The following NALF1 variants were observed in gnomAD, a reference collection of about 807,000 sequenced individuals.
NALF1 encodes the protein NALCN channel auxiliary factor 1, also known as family with sequence similarity 155 member A.
In NALF1, 3 loss-of-function variants were observed where a neutral mutation model predicts 48.4. That is an observed-to-expected ratio of 0.06 (90% CI 0.03 to 0.16). NALF1 has a LOEUF of 0.16. Among genes scored for constraint, NALF1 ranks in the 10% least tolerant of loss-of-function variants. The pLI is 1.00. For synonymous variants in NALF1, 262 were observed against 245.7 expected (o/e 1.07, Z -0.62); for missense variants, 526 against 571.5 (o/e 0.92, Z 0.81).
At chr13:107,747,682 G>GT (rs1876820972) in intron 1 of NALF1, among the ~76,000 whole-genome samples, 1 of 152,142 alleles carries the variant, frequency 6.6e-6, no homozygotes, top group Non-Finnish European at 1.5e-5. Flanking sequence ...ATTATGTCAT[G>GT]TAATAGTCCT....
At chr13:107,351,117 A>G (rs1178285627) in intron 1 of NALF1, among the ~76,000 whole-genome samples, 1 of 152,246 alleles carries the variant, frequency 6.6e-6, no homozygotes, top group Non-Finnish European at 1.5e-5. Flanking sequence ...TTTGGTTTGC[A>G]TAACAAAGTC....
chr13:107,543,023 A>G (rs1187463587), intron 1 of NALF1, among the ~76,000 whole-genome samples: 2 of 152,076 alleles, frequency 1.3e-5, no homozygotes, highest in Non-Finnish European at 2.9e-5. Flanking sequence ...CATGTTTCTT[A>G]TATCTGTTTA....
intron 1 of NALF1, among the ~76,000 whole-genome samples, chr13:107,763,553 C>A (rs1193142806): frequency 1.3e-5 from 2 of 151,386 alleles, no homozygotes; most frequent in East Asian, 3.9e-4. Context: ...CATTAAATGC[C>A]CTTCAAAAAT....
intron 1 of NALF1, among the ~76,000 whole-genome samples, chr13:107,597,643 G>GA (rs1878793101): frequency 1.3e-5 from 2 of 149,538 alleles, no homozygotes; most frequent in South Asian, 2.3e-4. Flanking sequence ...GCTTACAAAA[G>GA]AAAAAATAGT....
At position 107,867,478 on chromosome 13, in the gene NALF1, C is replaced by T. The variant is rs191896395; in HGVS notation, c.-882G>A. Among the ~76,000 whole-genome samples, 253 of 149,502 alleles carry T rather than the reference C, an allele frequency of 1.7e-3. No homozygotes were observed. Among genetic ancestry groups the T allele is most frequent in the African/African-American group, 5.9e-3 (245 of 41,280 alleles). On this transcript the variant is annotated 5_prime_UTR_variant, in exon 1 of 3. Coordinates refer to ENST00000375915, the MANE Select transcript of NALF1 (RefSeq NM_001080396.3). The surrounding 1 kb of genome is among the most constrained non-coding windows in gnomAD (Gnocchi z 4.4). Reference sequence around the variant, plus strand: ...CGGGCTAAGTTGCCGCCATCTTCGTCCTGGAGAAACACTTTTTTGGGGGGA... The same window carrying T: ...CGGGCTAAGTTGCCGCCATCTTCGTTCTGGAGAAACACTTTTTTGGGGGGA...
intron 1 of NALF1, among the ~76,000 whole-genome samples, chr13:107,365,924 C>T (rs1883144498): frequency 6.6e-6 from 1 of 152,146 alleles, no homozygotes; most frequent in Non-Finnish European, 1.5e-5. Flanking sequence ...GGTTAGAATC[C>T]GATGAAATCG....
chr13:107,272,026 G>A (rs976803031), intron 1 of NALF1, among the ~76,000 whole-genome samples: 1 of 151,368 alleles, frequency 6.6e-6, no homozygotes, highest in Non-Finnish European at 1.5e-5. Context: ...GTTTTAGAGA[G>A]AAAGTGTACT....
At chr13:107,371,312 T>C (rs1323228368) in intron 1 of NALF1, among the ~76,000 whole-genome samples, 1 of 152,032 alleles carries the variant, frequency 6.6e-6, no homozygotes, top group African/African-American at 2.4e-5. Flanking sequence ...CCAGGCATGA[T>C]GGTGCATGCC....
chr13:107,675,413 C>T (rs1423876375), intron 1 of NALF1, among the ~76,000 whole-genome samples: 2 of 152,056 alleles, frequency 1.3e-5, no homozygotes, highest in Non-Finnish European at 2.9e-5. Flanking sequence ...GGCTTTTCTG[C>T]GGATGGGGGG....
intron 1 of NALF1, among the ~76,000 whole-genome samples, chr13:107,339,269 C>CT (rs1466344691): frequency 6.6e-6 from 1 of 151,718 alleles, no homozygotes; most frequent in Non-Finnish European, 1.5e-5. Flanking sequence ...AGCTTTGAGA[C>CT]TTATGTGTTG....
At chr13:107,555,439 ATTT>A (rs34486058) in intron 1 of NALF1, among the ~76,000 whole-genome samples, 81 of 69,958 alleles carry the variant, frequency 1.2e-3, no homozygotes, top group East Asian at 6.7e-3. Flanking sequence ...AGCCTGGCTA[ATTT>A]TTTTTTTTTT....
chr13:107,336,643 A>G (rs1882563066), intron 1 of NALF1, among the ~76,000 whole-genome samples: 1 of 152,164 alleles, frequency 6.6e-6, no homozygotes, highest in African/African-American at 2.4e-5. Flanking sequence ...CCTCCGTGGT[A>G]TTAATGGGAT....
chr13:107,587,122 T>C (rs972748170), intron 1 of NALF1, among the ~76,000 whole-genome samples: 3 of 152,002 alleles, frequency 2.0e-5, no homozygotes, highest in Non-Finnish European at 4.4e-5. Context: ...AGCTCCCAGA[T>C]AAATGAGGGT....
At chr13:107,392,639 G>C (rs1240390010) in intron 1 of NALF1, among the ~76,000 whole-genome samples, 2 of 152,072 alleles carry the variant, frequency 1.3e-5, no homozygotes, top group African/African-American at 4.8e-5. Flanking sequence ...TTAGGGGTGA[G>C]GGTGAGACTT....
At chr13:107,756,456 A>ATATATATATAT (rs1877099055) in intron 1 of NALF1, among the ~76,000 whole-genome samples, 5 of 110,802 alleles carry the variant, frequency 4.5e-5, no homozygotes, top group African/African-American at 2.1e-4. Context: ...TATATATATA[A>ATATATATATAT]AGCATAAATA....
intron 1 of NALF1, among the ~76,000 whole-genome samples, chr13:107,253,688 G>A (rs1880750762): frequency 6.6e-6 from 1 of 152,114 alleles, no homozygotes; most frequent in Non-Finnish European, 1.5e-5. Flanking sequence ...TCTCTACCTT[G>A]TATTTGTTTC....
chr13:107,602,131 CA>C, intron 1 of NALF1, among the ~76,000 whole-genome samples: 1 of 152,266 alleles, frequency 6.6e-6, no homozygotes, highest in East Asian at 1.9e-4. Flanking sequence ...CTATGTTTTT[CA>C]GTGAGTTTTA....
chr13:107,679,362 G>T (rs1221690687), intron 1 of NALF1, among the ~76,000 whole-genome samples: 1 of 152,118 alleles, frequency 6.6e-6, no homozygotes, highest in African/African-American at 2.4e-5. Context: ...AGCCCTGCTA[G>T]GTACATCTAG....
chr13:107,366,585 A>G (rs11617804), intron 1 of NALF1, among the ~76,000 whole-genome samples: 38,665 of 152,164 alleles, frequency 0.25, 5,641 homozygotes, highest in Admixed American at 0.36. Context: ...CTGTTTATCA[A>G]TATGATTAAT....
Sources: gnomAD v4.1 joint callset for allele counts (sites outside exome capture counted in the v4.1 genomes callset) on GRCh38, gnomAD v4.1.1 for gene constraint, Gnocchi (gnomAD v3.1) non-coding constraint, MANE v1.5 for transcripts, NCBI Gene and HGNC (gene_info 2026-07-23, HGNC 2026-07-21) for gene names.